The following COL8A1 variants were observed in gnomAD, a reference collection of about 807,000 sequenced individuals.
COL8A1 encodes collagen type VIII alpha 1 chain, also known as collagen alpha-1(VIII) chain.
A neutral mutation model predicts 42.7 loss-of-function variants in COL8A1; 21 were observed. The observed-to-expected ratio is 0.49, with a 90% CI of 0.35 to 0.71. The LOEUF is 0.71. Ranked by LOEUF, COL8A1 falls within the 30% of genes least tolerant of loss-of-function variation. COL8A1 has a pLI of 0.01. For missense variants in COL8A1, 788 were observed against 962.4 expected (o/e 0.82, Z 2.40); for synonymous variants, 367 against 369.1 (o/e 0.99, Z 0.06).
At chr3:99,638,769 C>T (rs1171744797) in intron 1 of COL8A1, 105 bp downstream of exon 1, 3 of 152,200 alleles carry the variant, frequency 2.0e-5, no homozygotes, top group South Asian at 4.1e-4. Context: ...CTGATTCTTA[C>T]GGATGCGCGA....
chr3:99,799,067 T>C lies in COL8A1; in HGVS notation c.*2931T>C, dbSNP rs1375353857. ...GAATGTCTGTAGTGGGTGACTGTTA[T>C]CAAATATTTTATAGAATACAATGAA... On this transcript the variant is annotated 3_prime_UTR_variant, in exon 4 of 4. Coordinates refer to ENST00000652472, the MANE Select transcript of COL8A1 (RefSeq NM_020351.4). 1.3e-5 allele frequency: 2 copies of C among 152,240 alleles called. No homozygotes were observed. The highest frequency in any genetic ancestry group is 6.5e-5 in the Admixed American group (1 of 15,280). The allele number at this position is 152,240 out of a possible 1,614,324, so 9.4% of individuals were successfully genotyped here.
intron 1 of COL8A1, among the ~76,000 whole-genome samples, chr3:99,728,600 T>C (rs185309930): frequency 1.2e-3 from 183 of 152,122 alleles, no homozygotes; most frequent in African/African-American, 4.1e-3. Flanking sequence ...CTAAGTCAAA[T>C]TGTAGTCACC....
intron 1 of COL8A1, among the ~76,000 whole-genome samples, chr3:99,715,025 T>C (rs1331356536): frequency 6.6e-6 from 1 of 152,130 alleles, no homozygotes; most frequent in Non-Finnish European, 1.5e-5. Flanking sequence ...AAGGTCTTTG[T>C]GGTTGTAGGA....
chr3:99,769,388 T>C (rs793479), intron 2 of COL8A1, among the ~76,000 whole-genome samples: 97,419 of 152,128 alleles, frequency 0.64, 31,950 homozygotes, highest in African/African-American at 0.78. Context: ...TGTTGATAAG[T>C]GCAGACATTC....
At chr3:99,651,303 T>C (rs1937838834) in intron 1 of COL8A1, among the ~76,000 whole-genome samples, 1 of 152,252 alleles carries the variant, frequency 6.6e-6, no homozygotes, top group South Asian at 2.1e-4. Flanking sequence ...AGACAGACTA[T>C]ACCTGGGTAT....
In COL8A1 at chr3:99,791,365, T is replaced by C. The variant is rs539236666; in HGVS notation, c.328+355T>C. On this transcript the variant is annotated intron_variant, in intron 3 of 3. Transcript: ENST00000652472. The stretch of plus-strand genomic sequence containing the variant: ...GGCCAGATGCTGGGAGCTAAAGCAG[T>C]GAAAAAAAAGAAAGGTGACAAGTCA... Among the ~76,000 whole-genome samples, 13 of 152,114 alleles carry C rather than the reference T, an allele frequency of 8.5e-5. No homozygotes were observed. In the South Asian group the frequency reaches 2.7e-3, roughly 32 times the overall value.
At chr3:99,763,402 C>G (rs981961301) in intron 2 of COL8A1, among the ~76,000 whole-genome samples, 3 of 152,082 alleles carry the variant, frequency 2.0e-5, no homozygotes, top group Admixed American at 6.6e-5. Context: ...AGGCTGTGCA[C>G]CTCCTGCCTG....
At chr3:99,737,173 T>C (rs1940748912) in intron 1 of COL8A1, among the ~76,000 whole-genome samples, 1 of 152,238 alleles carries the variant, frequency 6.6e-6, no homozygotes, top group African/African-American at 2.4e-5. Flanking sequence ...TGATGCGACT[T>C]GACTCTTTAT....
rs1471892380 is a variant in COL8A1 at position 99,647,220 on chromosome 3, G to A, written c.-129+8556G>A. On this transcript the variant is annotated intron_variant, in intron 1 of 3. Coordinates refer to ENST00000652472, the MANE Select transcript of COL8A1 (RefSeq NM_020351.4). Reference sequence around the variant, plus strand: ...TACCCTGCCTGAGCGCATCTCCTGGGACTGATATTCTACGGAACAGCTTAA... The same window carrying A: ...TACCCTGCCTGAGCGCATCTCCTGGAACTGATATTCTACGGAACAGCTTAA... 2.6e-5 allele frequency among the ~76,000 whole-genome samples: 4 copies of A among 152,240 alleles called. No homozygotes were observed. The East Asian group carries it at 7.7e-4, about 29-fold the overall frequency.
intron 1 of COL8A1, among the ~76,000 whole-genome samples, chr3:99,716,798 T>A (rs543273629): frequency 1.3e-5 from 2 of 152,218 alleles, no homozygotes; most frequent in African/African-American, 4.8e-5. Context: ...GCTCCTTTTT[T>A]GTCTCAATCC....
At chr3:99,681,524 G>T (rs1186876373) in intron 1 of COL8A1, among the ~76,000 whole-genome samples, 1 of 152,160 alleles carries the variant, frequency 6.6e-6, no homozygotes, top group African/African-American at 2.4e-5. Context: ...AGTTTGAGTG[G>T]GGAGTGTATT....
intron 1 of COL8A1, among the ~76,000 whole-genome samples, chr3:99,674,754 A>C (rs1938643648): frequency 6.6e-6 from 1 of 152,020 alleles, no homozygotes; most frequent in African/African-American, 2.4e-5. Flanking sequence ...AAATGTTTGA[A>C]GTTGGATCAT....
At chr3:99,689,035 C>A (rs1156580471) in intron 1 of COL8A1, among the ~76,000 whole-genome samples, 1 of 152,148 alleles carries the variant, frequency 6.6e-6, no homozygotes, top group Non-Finnish European at 1.5e-5. Flanking sequence ...AACCACTATT[C>A]TACACAGAAA....
intron 1 of COL8A1, among the ~76,000 whole-genome samples, chr3:99,640,206 T>C (rs1309476103): frequency 6.6e-6 from 1 of 152,220 alleles, no homozygotes. Flanking sequence ...GCAAATTATA[T>C]AAAATTACTA....
intron 1 of COL8A1, among the ~76,000 whole-genome samples, chr3:99,680,748 G>C (rs28848318): frequency 0.011 from 1,690 of 152,196 alleles, 22 homozygotes; most frequent in Admixed American, 0.023. Flanking sequence ...ATACTATAAG[G>C]CTCCAGTAAC....
At chr3:99,687,442 A>T (rs1471339951) in intron 1 of COL8A1, among the ~76,000 whole-genome samples, 2 of 152,008 alleles carry the variant, frequency 1.3e-5, no homozygotes, top group Admixed American at 1.3e-4. Flanking sequence ...GTGTGTGTGT[A>T]AAACTTTCAC....
chr3:99,764,402 A>C (rs1941419867), intron 2 of COL8A1, among the ~76,000 whole-genome samples: 1 of 152,238 alleles, frequency 6.6e-6, no homozygotes, highest in Admixed American at 6.5e-5. Flanking sequence ...TTCAATTATG[A>C]GTTACATGAA....
rs1443781676 is a variant in COL8A1 at position 99,726,845 on chromosome 3, T to C, written c.-128-18052T>C. On this transcript the variant is annotated intron_variant, in intron 1 of 3. Coordinates refer to ENST00000652472, the MANE Select transcript of COL8A1 (RefSeq NM_020351.4). Reference sequence around the variant, plus strand: ...TAGTATAGTTTGAAGTCAGGTAGTGTGATGCCTCCAGCTTTGTTCTTTTGG... The same window carrying C: ...TAGTATAGTTTGAAGTCAGGTAGTGCGATGCCTCCAGCTTTGTTCTTTTGG... Among the ~76,000 whole-genome samples, 3 of 152,270 alleles carry C rather than the reference T, an allele frequency of 2.0e-5. No homozygotes were observed. The East Asian group carries it at 5.8e-4, about 29-fold the overall frequency.
intron 1 of COL8A1, among the ~76,000 whole-genome samples, chr3:99,690,757 T>A (rs571815019): frequency 3.3e-5 from 5 of 152,346 alleles, no homozygotes; most frequent in African/African-American, 1.2e-4. Flanking sequence ...TTGTAGCTGA[T>A]ATCACCTGAG....
Sources: gnomAD v4.1 joint callset for allele counts (sites outside exome capture counted in the v4.1 genomes callset) on GRCh38, gnomAD v4.1.1 for gene constraint, MANE v1.5 for transcripts, NCBI Gene and HGNC (gene_info 2026-07-23, HGNC 2026-07-21) for gene names.